PLAC9: variants seen among roughly 807,000 people sequenced by gnomAD.
PLAC9 encodes the protein placenta-specific protein 9.
In PLAC9, 12 loss-of-function variants were observed where a neutral mutation model predicts 11.5. The observed-to-expected ratio is 1.05, with a 90% CI of 0.67 to 1.69. PLAC9 has a LOEUF of 1.69. Ranked by LOEUF, PLAC9 falls within the 40% of genes most tolerant of loss-of-function variation. PLAC9 has a pLI of 0.00. For synonymous variants in PLAC9, 62 were observed against 58.1 expected, an observed-to-expected ratio of 1.07 and a Z score of -0.31; for missense variants, 132 against 130.5, an observed-to-expected ratio of 1.01 and a Z score of -0.06.
rs187239074 is a variant in PLAC9 at position 80,143,464 on chromosome 10, C to T, written c.163-759C>T. ...CCAGGCTGGAGTGCAATGGTGTGAT[C>T]TCGGCTCACTGCAACCTCCACCTCC... is the stretch of plus-strand genomic sequence containing the variant. On this transcript the variant is annotated intron_variant, in intron 2 of 3. Transcript: ENST00000372263. 6.7e-3 allele frequency among the ~76,000 whole-genome samples: 823 copies of T among 122,628 alleles called. 9 individuals are homozygous for T. The highest frequency in any genetic ancestry group is 0.026 in the African/African-American group (790 of 30,750). 80.4% of individuals were successfully genotyped at this position (122,628 alleles called of 152,430 possible).
At chr10:80,137,193 C>G (rs1844989137) in intron 1 of PLAC9, among the ~76,000 whole-genome samples, 1 of 152,202 alleles carries the variant, frequency 6.6e-6, no homozygotes, top group African/African-American at 2.4e-5. Flanking sequence ...AGGATTAGTG[C>G]TGAGCCATGT....
At chr10:80,141,460 G>T (rs1462768975) in intron 1 of PLAC9, among the ~76,000 whole-genome samples, 1 of 152,082 alleles carries the variant, frequency 6.6e-6, no homozygotes, top group Non-Finnish European at 1.5e-5. Context: ...TTAGCAGGGC[G>T]TGGTGGCAGG....
intron 1 of PLAC9, among the ~76,000 whole-genome samples, chr10:80,135,197 T>G (rs1270341136): frequency 6.6e-6 from 1 of 151,840 alleles, no homozygotes; most frequent in African/African-American, 2.4e-5. Context: ...ATTTTTTTTG[T>G]ATTTTTAGTA....
rs749983709 is a variant in PLAC9 at position 80,142,121 on chromosome 10, A to C, written c.104A>C (p.Gln35Pro). 13 of 1,611,630 alleles carry C rather than the reference A, an allele frequency of 8.1e-6. No homozygotes were observed. Among genetic ancestry groups the C allele is most frequent in the Non-Finnish European group, 1.1e-5 (13 of 1,178,084 alleles). Reference protein sequence around the residue: ...PFSPPRGDSAQSTACDRHMAV... With the variant: ...PFSPPRGDSAPSTACDRHMAV... ...AGCCCTCCGCGAGGAGACTCAGCTCAGAGCACAGCGTGTGACAGACACATG... is the reference window on the plus strand; with the variant it reads ...AGCCCTCCGCGAGGAGACTCAGCTCCGAGCACAGCGTGTGACAGACACATG... Residue 35 changes from glutamine to proline, a missense_variant, in exon 2 of 4, where the codon CAG becomes CCG. Coordinates refer to ENST00000372263, the MANE Select transcript of PLAC9 (RefSeq NM_001012973.3).
intron 1 of PLAC9, among the ~76,000 whole-genome samples, chr10:80,139,053 G>A (rs1845010039): frequency 6.7e-6 from 1 of 148,526 alleles, no homozygotes; most frequent in Admixed American, 6.8e-5. Context: ...CCGGGTTCAC[G>A]CCATTCTCCT....
chr10:80,138,664 C>T (rs1254470661), intron 1 of PLAC9, among the ~76,000 whole-genome samples: 1 of 152,190 alleles, frequency 6.6e-6, no homozygotes, highest in Non-Finnish European at 1.5e-5. Context: ...GAGGTCCAGG[C>T]ATTTGCAGAT....
At chr10:80,133,665 G>A (rs1844939101) in intron 1 of PLAC9, among the ~76,000 whole-genome samples, 1 of 152,132 alleles carries the variant, frequency 6.6e-6, no homozygotes, top group Non-Finnish European at 1.5e-5. Flanking sequence ...CCATTAGCTG[G>A]GTTCCTTGCT....
At chr10:80,144,447 G>T in intron 3 of PLAC9, 104 bp downstream of exon 3, 1 of 1,398,682 alleles carries the variant, frequency 7.1e-7, no homozygotes, top group Non-Finnish European at 9.4e-7. Flanking sequence ...TAGCCTGGCT[G>T]GCAGGGAGGG....
At chr10:80,144,845 G>T in intron 3 of PLAC9, 55 bp from the exon 4 acceptor site, 1 of 1,529,222 alleles carries the variant, frequency 6.5e-7, no homozygotes, top group Non-Finnish European at 8.8e-7. Context: ...CACCACGGGG[G>T]CAGGTACTCT....
In PLAC9 at chr10:80,144,222, G is replaced by A. The variant is rs1490208989; in HGVS notation, c.163-1G>A. 4 of 1,614,010 alleles carry A rather than the reference G, an allele frequency of 2.5e-6. No homozygotes were observed. The highest frequency in any genetic ancestry group is 1.3e-5 in the African/African-American group (1 of 74,920). The stretch of plus-strand genomic sequence containing the variant: ...CGACTTTACCCCACTTCCCACTCTA[G>A]ATGGTAGAGAAGACCGTGGATCACC... On this transcript the variant is annotated splice_acceptor_variant, in intron 2 of 3. Transcript: ENST00000372263. LOFTEE classifies it high-confidence loss of function.
At chr10:80,137,857 G>A (rs569422666) in intron 1 of PLAC9, among the ~76,000 whole-genome samples, 1 of 151,652 alleles carries the variant, frequency 6.6e-6, no homozygotes, top group East Asian at 1.9e-4. Context: ...AGAGGTTGCA[G>A]TGAGCCATGA....
At chr10:80,140,064 C>T (rs1216363372) in intron 1 of PLAC9, among the ~76,000 whole-genome samples, 10 of 152,146 alleles carry the variant, frequency 6.6e-5, no homozygotes. Flanking sequence ...TTTGCCTTTG[C>T]CCATTTTTGC....
chr10:80,133,891 C>A (rs1844942122), intron 1 of PLAC9, among the ~76,000 whole-genome samples: 1 of 146,112 alleles, frequency 6.8e-6, no homozygotes, highest in Non-Finnish European at 1.5e-5. Flanking sequence ...TTGCAGTGAG[C>A]CGAGATCAAG....
intron 1 of PLAC9, among the ~76,000 whole-genome samples, chr10:80,139,782 G>T (rs1412469612): frequency 1.3e-5 from 2 of 151,794 alleles, no homozygotes; most frequent in East Asian, 3.9e-4. Flanking sequence ...TAGAAATGGG[G>T]TCTCACTATG....
upstream of PLAC9, chr10:80,131,672 C>T (rs41317272): frequency 0.1 from 15,694 of 152,232 alleles, 1,109 homozygotes; most frequent in African/African-American, 0.21. Flanking sequence ...GATTCTCGGG[C>T]TCAGAACCAG....
upstream of PLAC9, chr10:80,132,653 C>T (rs1274141413): frequency 4.5e-6 from 4 of 894,870 alleles, no homozygotes; most frequent in Non-Finnish European, 3.1e-6. Context: ...TCCGGAGCCG[C>T]CCAGGAATTT....
intron 1 of PLAC9, among the ~76,000 whole-genome samples, chr10:80,136,258 G>C (rs1265149519): frequency 6.6e-6 from 1 of 152,172 alleles, no homozygotes; most frequent in Admixed American, 6.5e-5. Context: ...CCTAGCAGGA[G>C]CCGGGCCAGA....
chr10:80,144,858 G>A (rs756951360), intron 3 of PLAC9, 42 bp from the exon 4 acceptor site: 1 of 1,549,990 alleles, frequency 6.5e-7, no homozygotes, highest in East Asian at 2.3e-5. Context: ...GGTACTCTGC[G>A]GCACCCCAGC....
chr10:80,141,913 G>T (rs1218953660), intron 1 of PLAC9, among the ~76,000 whole-genome samples, 169 bp from the exon 2 acceptor site: 1 of 151,918 alleles, frequency 6.6e-6, no homozygotes, highest in East Asian at 1.9e-4. Context: ...GTAGAGACTG[G>T]TGGGATTGAG....
Sources: allele counts gnomAD v4.1 joint callset (sites outside exome capture counted in the v4.1 genomes callset), GRCh38; gene constraint gnomAD v4.1.1; transcripts MANE v1.5; gene names NCBI Gene and HGNC (gene_info 2026-07-23, HGNC 2026-07-21).